The following SDF4 variants were observed in gnomAD, a reference collection of about 807,000 sequenced individuals.
The protein encoded by SDF4 is 45 kDa calcium-binding protein.
SDF4 carries 22 observed loss-of-function variants against 34.2 expected under a neutral mutation model. The observed-to-expected ratio is 0.64, with a 90% CI of 0.46 to 0.92. The LOEUF is 0.92. Ranked by LOEUF, SDF4 falls within the 40% of genes least tolerant of loss-of-function variation. SDF4 has a pLI of 0.00. For synonymous variants in SDF4, 236 were observed against 203.1 expected (o/e 1.16, Z -1.38); for missense variants, 447 against 499.9 (o/e 0.89, Z 1.01).
chr1:1,220,875 G>A, intron 4 of SDF4: 2 of 718,646 alleles, frequency 2.8e-6, no homozygotes, highest in South Asian at 3.0e-5. Flanking sequence ...ACGCAGTCAG[G>A]ACAGCAGGGA....
Position 1,218,317 on chromosome 1 carries a change from C to A in SDF4, c.891+141G>T. On this transcript the variant is annotated intron_variant, in intron 6 of 6. Transcript: ENST00000360001. This position sits in a 1 kb window ranked among gnomAD's most constrained non-coding sequence, Gnocchi z 7.9. ...ATGCAGCCTGGTGGACACCGCTGAGCAAACGCCCCAGTGACCAGCCCAGAT... is the reference window on the plus strand; with the variant it reads ...ATGCAGCCTGGTGGACACCGCTGAGAAAACGCCCCAGTGACCAGCCCAGAT... The A allele has an allele frequency of 1.1e-6, 1 of 888,896 alleles. No homozygotes were observed. Among genetic ancestry groups the A allele is most frequent in the East Asian group, 2.6e-5 (1 of 37,786 alleles). 55.1% of individuals were successfully genotyped at this position (888,896 alleles called of 1,614,324 possible).
At chr1:1,229,093 T>C in intron 1 of SDF4, 147 bp from the exon 2 acceptor site, 1 of 431,606 alleles carries the variant, frequency 2.3e-6, no homozygotes, top group South Asian at 4.3e-5. Flanking sequence ...CACTGCCTTC[T>C]CCAGACCACA....
chr1:1,228,421 G>T, intron 2 of SDF4, 47 bp downstream of exon 2: 1 of 1,534,290 alleles, frequency 6.5e-7, no homozygotes, highest in South Asian at 1.3e-5. Context: ...ACACACAGGC[G>T]AGCGCACGCG....
At chr1:1,220,874 G>A (rs1649909684) in intron 4 of SDF4, 1 of 717,604 alleles carries the variant, frequency 1.4e-6, no homozygotes. Context: ...GACGCAGTCA[G>A]GACAGCAGGG....
chr1:1,226,695 T>C (rs951493645), intron 2 of SDF4, among the ~76,000 whole-genome samples: 8 of 152,194 alleles, frequency 5.3e-5, no homozygotes, highest in Non-Finnish European at 7.3e-5. Context: ...CCCGGAGACC[T>C]GCTGTTACTT....
At position 1,218,812 on chromosome 1, in the gene SDF4, C is replaced by G; in HGVS notation, c.672G>C (p.Arg224=). Residue 224 remains arginine, a synonymous_variant, in exon 5 of 7, where the codon CGG becomes CGC. Transcript: ENST00000360001. This position sits in a 1 kb window ranked among gnomAD's most constrained non-coding sequence, Gnocchi z 7.9. The part of the protein sequence containing the change: ...FLSFLHPEHS[R]GMLRFMVKEI... ...CCTTCACCATGAACCTGAGCATTCC[C>G]CGGCTGTGCTCGGGGTGGAGGAACG... 2.5e-6 allele frequency: 4 copies of G among 1,608,474 alleles called. No homozygotes were observed. The highest frequency in any genetic ancestry group is 3.4e-6 in the Non-Finnish European group (4 of 1,176,270).
chr1:1,221,162 C>A, intron 4 of SDF4: 1 of 208,986 alleles, frequency 4.8e-6, no homozygotes, highest in Non-Finnish European at 9.8e-6. Flanking sequence ...AGTACGTGAA[C>A]TGGGAAAAGA....
At position 1,223,959 on chromosome 1, in the gene SDF4, C is replaced by T; in HGVS notation, c.315G>A (p.Val105=). 1 of 1,610,930 alleles carries T rather than the reference C, an allele frequency of 6.2e-7. No individual in the cohort carries two copies. Among genetic ancestry groups the T allele is most frequent in the Non-Finnish European group, 8.5e-7 (1 of 1,179,890 alleles). The part of the protein sequence containing the change: ...KLMVIFSKVD[V]NTDRKISAKE... ...TGGCACTGATCTTCCGGTCAGTGTT[C>T]ACATCCACCCTGCAAGACAGCAAAT... Residue 105 remains valine (V), a synonymous_variant, in exon 3 of 7, where the codon GTG becomes GTA. Coordinates refer to ENST00000360001, the MANE Select transcript of SDF4 (RefSeq NM_016176.6).
intron 1 of SDF4, among the ~76,000 whole-genome samples, chr1:1,231,244 T>A (rs1312853155): frequency 6.6e-6 from 1 of 152,082 alleles, no homozygotes; most frequent in Non-Finnish European, 1.5e-5. Context: ...CGGAATGGGG[T>A]TTCGACTTCG....
Position 1,218,482 on chromosome 1 carries a change from G to A in SDF4, c.867C>T (p.Gly289=). Residue 289 remains glycine (G), a synonymous_variant, in exon 6 of 7, where the codon GGC becomes GGT. Transcript: ENST00000360001. This position sits in a 1 kb window ranked among gnomAD's most constrained non-coding sequence, Gnocchi z 7.9. ...CCTCCAGCTCCTCGGCGGTCACGAT[G>A]CCGTCGTGGTTGGAGTCAATGAGCT... ...FEELIDSNHD[G]IVTAEELESY... The A allele has an allele frequency of 6.2e-7, 1 of 1,613,002 alleles. No homozygotes were observed. The highest frequency in any genetic ancestry group is 8.5e-7 in the Non-Finnish European group (1 of 1,179,892).
Position 1,218,334 on chromosome 1 carries a change from A to T in SDF4, c.891+124T>A. 9.4e-7 allele frequency: 1 copy of T among 1,061,460 alleles called. No homozygotes were observed. Among genetic ancestry groups the T allele is most frequent in the Non-Finnish European group, 1.3e-6 (1 of 747,908 alleles). The allele number at this position is 1,061,460 out of a possible 1,614,324, so 65.8% of individuals were successfully genotyped here. On this transcript the variant is annotated intron_variant, in intron 6 of 6. Transcript: ENST00000360001. The surrounding 1 kb of genome is among the most constrained non-coding windows in gnomAD (Gnocchi z 7.9). ...CCGCTGAGCAAACGCCCCAGTGACC[A>T]GCCCAGATGGAGTCTCAGGCCAGAC...
At chr1:1,221,274 G>A (rs935235173) in intron 4 of SDF4, 2 of 160,904 alleles carry the variant, frequency 1.2e-5, no homozygotes, top group African/African-American at 4.8e-5. Flanking sequence ...GAGAGGCCAA[G>A]GCAGGCGGGT....
chr1:1,218,232 T>C lies in SDF4; in HGVS notation c.891+226A>G, dbSNP rs751813429. Among the ~76,000 whole-genome samples, 3 of 152,196 alleles carry C rather than the reference T, an allele frequency of 2.0e-5. No homozygotes were observed. The highest frequency in any genetic ancestry group is 4.8e-5 in the African/African-American group (2 of 41,452). On this transcript the variant is annotated intron_variant, in intron 6 of 6. Coordinates refer to ENST00000360001, the MANE Select transcript of SDF4 (RefSeq NM_016176.6). The surrounding 1 kb of genome is among the most constrained non-coding windows in gnomAD (Gnocchi z 7.9). ...TGACGCCTCCGCAAGGGGCTGAGGA[T>C]GGAGCCCGGCCAGGCTCGCCTGTCT... is the stretch of plus-strand genomic sequence containing the variant.
At position 1,217,764 on chromosome 1, in the gene SDF4, T is replaced by C. The variant is rs762034283; in HGVS notation, c.892-76A>G. The C allele has an allele frequency of 3.7e-6, 6 of 1,603,910 alleles. No homozygotes were observed. Among genetic ancestry groups the C allele is most frequent in the Non-Finnish European group, 5.1e-6 (6 of 1,176,246 alleles). On this transcript the variant is annotated intron_variant, in intron 6 of 6. Transcript: ENST00000360001. The surrounding 1 kb of genome is among the most constrained non-coding windows in gnomAD (Gnocchi z 8.5). ...CGCGGCCAGCCGCACGAAGTGGCTA[T>C]TTAAGGTGCCTATTGGCTGCAGCGG...
chr1:1,220,197 C>T (rs573795173), intron 4 of SDF4: 67 of 992,040 alleles, frequency 6.8e-5, no homozygotes, highest in South Asian at 4.1e-4. Flanking sequence ...CCCCACGAGC[C>T]GGGCCTCTGC....
Position 1,218,307 on chromosome 1 carries a change from C to T in SDF4, c.891+151G>A. On this transcript the variant is annotated intron_variant, in intron 6 of 6. Transcript: ENST00000360001. This position sits in a 1 kb window ranked among gnomAD's most constrained non-coding sequence, Gnocchi z 7.9. ...AACAACGGCCATGCAGCCTGGTGGA[C>T]ACCGCTGAGCAAACGCCCCAGTGAC... 1 of 796,472 alleles carries T rather than the reference C, an allele frequency of 1.3e-6. No individual in the cohort carries two copies. Among genetic ancestry groups the T allele is most frequent in the Non-Finnish European group, 1.9e-6 (1 of 513,644 alleles). 49.3% of individuals were successfully genotyped at this position (796,472 alleles called of 1,614,324 possible).
intron 1 of SDF4, 124 bp from the exon 2 acceptor site, chr1:1,229,070 AG>A: frequency 2.4e-6 from 1 of 420,632 alleles, no homozygotes; most frequent in African/African-American, 2.8e-5. Flanking sequence ...CGCCTTCTCC[AG>A]ACCACACGTG....
At chr1:1,226,611 G>T (rs1298579317) in intron 2 of SDF4, among the ~76,000 whole-genome samples, 6 of 150,066 alleles carry the variant, frequency 4.0e-5, no homozygotes, top group African/African-American at 1.5e-4. Context: ...GGCGAGAAGG[G>T]ACCCGCGTGT....
At chr1:1,220,805 C>A (rs1388983366) in intron 4 of SDF4, 1 of 1,245,154 alleles carries the variant, frequency 8.0e-7, no homozygotes. Context: ...CGGGCACGGG[C>A]AAGGCCTCCT....
Sources: allele counts gnomAD v4.1 joint callset (sites outside exome capture counted in the v4.1 genomes callset), GRCh38; gene constraint gnomAD v4.1.1; non-coding constraint Gnocchi (gnomAD v3.1); transcripts MANE v1.5; gene names NCBI Gene and HGNC (gene_info 2026-07-23, HGNC 2026-07-21).